LRRC7: variants seen among roughly 807,000 people sequenced by gnomAD.
LRRC7 encodes leucine rich repeat containing 7.
In LRRC7, 23 loss-of-function variants were observed where a neutral mutation model predicts 175.7. The ratio of observed to expected loss-of-function variants is 0.13; its 90% CI spans 0.09 to 0.19. LRRC7 has a LOEUF of 0.19. Among genes scored for constraint, LRRC7 ranks in the 10% least tolerant of loss-of-function variants. LRRC7 has a pLI of 1.00. For missense variants in LRRC7, 1,354 were observed against 1,904.7 expected, an observed-to-expected ratio of 0.71 and a Z score of 5.38; for synonymous variants, 685 against 680.9, an observed-to-expected ratio of 1.01 and a Z score of -0.09.
At chr1:69,715,050 C>T (rs185810120) in intron 2 of LRRC7, among the ~76,000 whole-genome samples, 1 of 152,232 alleles carries the variant, frequency 6.6e-6, no homozygotes, top group East Asian at 1.9e-4. Flanking sequence ...TTTAGAGTTC[C>T]AAATTCAAGA....
intron 3 of LRRC7, among the ~76,000 whole-genome samples, chr1:69,785,801 T>C (rs1326965362): frequency 6.6e-6 from 1 of 152,130 alleles, no homozygotes; most frequent in Non-Finnish European, 1.5e-5. Flanking sequence ...TATAATATAA[T>C]AATAATCCGA....
chr1:69,623,597 C>T (rs944695588), intron 1 of LRRC7, among the ~76,000 whole-genome samples: 2 of 145,244 alleles, frequency 1.4e-5, no homozygotes, highest in Non-Finnish European at 3.0e-5. Context: ...GTTGCCCAGG[C>T]TGGAGTGCAA....
Position 69,627,062 on chromosome 1 carries a change from G to A in LRRC7, c.3-51319G>A, listed in dbSNP as rs1388606755. 2.6e-5 allele frequency among the ~76,000 whole-genome samples: 4 copies of A among 152,244 alleles called. No homozygotes were observed. The South Asian group carries it at 8.3e-4, about 32-fold the overall frequency. ...TGTGCTTGTGTCTTTATAGCAGCATGATTTATAATCCTTTAGGTATATACC... is the reference window on the plus strand; with the variant it reads ...TGTGCTTGTGTCTTTATAGCAGCATAATTTATAATCCTTTAGGTATATACC... On this transcript the variant is annotated intron_variant, in intron 1 of 26. Transcript: ENST00000651989.
At chr1:69,884,593 T>C (rs1686975477) in intron 7 of LRRC7, among the ~76,000 whole-genome samples, 2 of 138,224 alleles carry the variant, frequency 1.4e-5, no homozygotes, top group Admixed American at 6.9e-5. Flanking sequence ...TTTTCCTAAT[T>C]GAATAGCCTT....
intron 7 of LRRC7, among the ~76,000 whole-genome samples, chr1:69,899,229 T>G (rs1241545840): frequency 6.6e-6 from 1 of 152,218 alleles, no homozygotes; most frequent in African/African-American, 2.4e-5. Flanking sequence ...TGTATCATTG[T>G]GGTCACAAAA....
In LRRC7 at chr1:69,579,833, C is replaced by T. The variant is rs1569654127; in HGVS notation, c.2+11192C>T. ...TTTTTTGGTAGAGCCAGCATCTTCC[C>T]ATGTTGCCCATGCTGGTCTCAAACT... On this transcript the variant is annotated intron_variant, in intron 1 of 26. Transcript: ENST00000651989. 4.7e-5 allele frequency among the ~76,000 whole-genome samples: 7 copies of T among 149,990 alleles called. 1 individual carries two copies. Among genetic ancestry groups the T allele is most frequent in the Admixed American group, 6.6e-5 (1 of 15,094 alleles).
intron 8 of LRRC7, among the ~76,000 whole-genome samples, chr1:69,972,488 T>C (rs1249980986): frequency 6.6e-6 from 1 of 152,074 alleles, no homozygotes; most frequent in African/African-American, 2.4e-5. Context: ...AAAGAAGATA[T>C]ACAAATGGCA....
chr1:69,663,463 C>A (rs902778507), intron 1 of LRRC7, among the ~76,000 whole-genome samples: 11 of 152,030 alleles, frequency 7.2e-5, no homozygotes, highest in Non-Finnish European at 1.2e-4. Flanking sequence ...AGCATTTATC[C>A]TTTGTGTTAT....
rs1659420692 is a variant in LRRC7, at chr1:69,673,769, A to G, written c.3-4612A>G. Among the ~76,000 whole-genome samples the G allele has an allele frequency of 2.0e-5, 3 of 152,132 alleles. 1 individual carries two copies. Among genetic ancestry groups the G allele is most frequent in the Admixed American group, 2.0e-4 (3 of 15,262 alleles). On this transcript the variant is annotated intron_variant, in intron 1 of 26. Coordinates refer to ENST00000651989, the MANE Select transcript of LRRC7 (RefSeq NM_001370785.2). ...TCACATATAGCATTCCAAGGAACAA[A>G]ACGACTTTTAGTATTTTTTTTATAT...
At chr1:69,933,708 A>G (rs1240206650) in intron 8 of LRRC7, among the ~76,000 whole-genome samples, 1 of 152,220 alleles carries the variant, frequency 6.6e-6, no homozygotes, top group Non-Finnish European at 1.5e-5. Flanking sequence ...CAAGTGCTTC[A>G]TATGAATATG....
chr1:70,125,819 A>AT lies in LRRC7; in HGVS notation c.*3934dup, dbSNP rs1366885248. On this transcript the variant is annotated 3_prime_UTR_variant, in exon 27 of 27. Coordinates refer to ENST00000651989, the MANE Select transcript of LRRC7 (RefSeq NM_001370785.2). ...AAAAAAAAAAAAAAAAAAAGAGAAGATTCAGAGGGGAGAAAACATGGAAGA... is the reference window on the plus strand; with the variant it reads ...AAAAAAAAAAAAAAAAAAAGAGAAGATTTCAGAGGGGAGAAAACATGGAAGA... Among the ~76,000 whole-genome samples the AT allele has an allele frequency of 2.9e-4, 43 of 150,112 alleles. No homozygotes were observed. The South Asian group carries it at 8.8e-3, about 31-fold the overall frequency.
At chr1:69,778,208 A>G (rs1237845009) in intron 3 of LRRC7, among the ~76,000 whole-genome samples, 1 of 152,136 alleles carries the variant, frequency 6.6e-6, no homozygotes, top group Non-Finnish European at 1.5e-5. Context: ...CTGTGCCTCC[A>G]TATTACCATG....
intron 7 of LRRC7, among the ~76,000 whole-genome samples, chr1:69,843,157 A>G (rs1307551519): frequency 6.6e-6 from 1 of 151,958 alleles, no homozygotes; most frequent in Non-Finnish European, 1.5e-5. Flanking sequence ...ATGCCACTGA[A>G]CTCCAGCCTG....
chr1:69,944,335 T>C (rs1649072786), intron 8 of LRRC7, among the ~76,000 whole-genome samples: 1 of 152,144 alleles, frequency 6.6e-6, no homozygotes, highest in African/African-American at 2.4e-5. Flanking sequence ...TCATATTTCA[T>C]TACATATATA....
chr1:70,037,874 T>C (rs1659461352), intron 20 of LRRC7, among the ~76,000 whole-genome samples: 1 of 152,140 alleles, frequency 6.6e-6, no homozygotes, highest in African/African-American at 2.4e-5. Context: ...ATACACGTAA[T>C]AGATAAGTAA....
chr1:69,724,035 G>A (rs1666654025), intron 2 of LRRC7, among the ~76,000 whole-genome samples: 1 of 152,208 alleles, frequency 6.6e-6, no homozygotes, highest in Admixed American at 6.5e-5. Flanking sequence ...CAAGGAAGCA[G>A]TGGTTAAAAC....
intron 1 of LRRC7, among the ~76,000 whole-genome samples, chr1:69,614,410 C>G (rs892768864): frequency 1.3e-5 from 2 of 152,122 alleles, no homozygotes; most frequent in African/African-American, 2.4e-5. Flanking sequence ...AGAGTACACC[C>G]CTGGAGTACA....
At chr1:69,896,713 T>G (rs1237012250) in intron 7 of LRRC7, among the ~76,000 whole-genome samples, 1 of 152,152 alleles carries the variant, frequency 6.6e-6, no homozygotes, top group Non-Finnish European at 1.5e-5. Flanking sequence ...ATAATTATTT[T>G]TTTAGTTTAG....
intron 21 of LRRC7, among the ~76,000 whole-genome samples, chr1:70,042,151 G>A (rs12041857): frequency 0.23 from 35,181 of 151,950 alleles, 4,361 homozygotes; most frequent in East Asian, 0.32. Flanking sequence ...TTTTGTTTTC[G>A]CCAAGTCACA....
Sources: gnomAD v4.1 joint callset for allele counts (sites outside exome capture counted in the v4.1 genomes callset) on GRCh38, gnomAD v4.1.1 for gene constraint, MANE v1.5 for transcripts, NCBI Gene and HGNC (gene_info 2026-07-23, HGNC 2026-07-21) for gene names.